Variants in OPN5 observed in about 807,000 individuals in gnomAD.
OPN5 encodes the protein opsin 5, also known as opsin-5.
A neutral mutation model predicts 41.7 loss-of-function variants in OPN5; 18 were observed. The observed-to-expected ratio is 0.43, with a 90% CI of 0.30 to 0.64. OPN5 has a LOEUF of 0.64. Among genes scored for constraint, OPN5 ranks in the 30% least tolerant of loss-of-function variants. OPN5 has a pLI of 0.13. For missense variants in OPN5, 318 were observed against 434.5 expected (o/e 0.73, Z 2.38); for synonymous variants, 178 against 164.3 (o/e 1.08, Z -0.64).
chr6:47,785,801 A>G (rs1561888339), intron 1 of OPN5, among the ~76,000 whole-genome samples: 1 of 152,218 alleles, frequency 6.6e-6, no homozygotes, highest in Non-Finnish European at 1.5e-5. Context: ...CACTTATGGC[A>G]TTGTTGGTAG....
intron 2 of OPN5, chr6:47,787,099 A>T (rs541895486): frequency 2.0e-6 from 2 of 982,020 alleles, no homozygotes; most frequent in African/African-American, 3.5e-5. Flanking sequence ...GAATGTAGGA[A>T]GAGGAAAGAG....
intron 5 of OPN5, among the ~76,000 whole-genome samples, chr6:47,809,632 C>T (rs1774115970): frequency 6.6e-6 from 1 of 152,120 alleles, no homozygotes; most frequent in Admixed American, 6.6e-5. Flanking sequence ...TAACAATACC[C>T]ATCTCCTGAA....
chr6:47,794,545 G>A (rs370398238), intron 3 of OPN5, among the ~76,000 whole-genome samples: 1 of 152,124 alleles, frequency 6.6e-6, no homozygotes, highest in Non-Finnish European at 1.5e-5. Context: ...GCTGAAAAAC[G>A]GAGCTCATTT....
At chr6:47,812,590 T>C (rs1184494827) in intron 6 of OPN5, among the ~76,000 whole-genome samples, 3 of 152,174 alleles carry the variant, frequency 2.0e-5, no homozygotes, top group Non-Finnish European at 4.4e-5. Flanking sequence ...TCCTGCCTTT[T>C]AAAAGCTTCT....
chr6:47,820,562 G>A (rs1033523260), intron 6 of OPN5, among the ~76,000 whole-genome samples: 1 of 152,142 alleles, frequency 6.6e-6, no homozygotes, highest in African/African-American at 2.4e-5. Context: ...CCTTTTAAGG[G>A]AGTCGGGAGG....
At chr6:47,816,006 C>T (rs1312349831) in intron 6 of OPN5, among the ~76,000 whole-genome samples, 1 of 152,126 alleles carries the variant, frequency 6.6e-6, no homozygotes, top group Non-Finnish European at 1.5e-5. Flanking sequence ...AATAGACAGG[C>T]AACTATTACT....
intron 6 of OPN5, among the ~76,000 whole-genome samples, chr6:47,820,836 C>G (rs774803465): frequency 1.4e-4 from 21 of 152,120 alleles, no homozygotes; most frequent in Non-Finnish European, 2.9e-4. Flanking sequence ...TGAAAACCTG[C>G]CTATAACTTT....
chr6:47,811,988 T>C, intron 6 of OPN5: 1 of 276,762 alleles, frequency 3.6e-6, no homozygotes, highest in Non-Finnish European at 6.8e-6. Flanking sequence ...AAACCTATTG[T>C]CATGCCAAAC....
chr6:47,792,179 T>C (rs1271721763), intron 3 of OPN5, among the ~76,000 whole-genome samples: 1 of 152,234 alleles, frequency 6.6e-6, no homozygotes, highest in African/African-American at 2.4e-5. Context: ...ACATATTTTA[T>C]AGTAATGTCT....
intron 6 of OPN5, among the ~76,000 whole-genome samples, chr6:47,821,127 G>A (rs1334007187): frequency 1.3e-5 from 2 of 152,178 alleles, no homozygotes; most frequent in Non-Finnish European, 2.9e-5. Flanking sequence ...CTGCATCAGG[G>A]GTGGCAGAGG....
chr6:47,817,070 A>C (rs1388038983), intron 6 of OPN5, among the ~76,000 whole-genome samples: 1 of 152,114 alleles, frequency 6.6e-6, no homozygotes, highest in African/African-American at 2.4e-5. Context: ...GGAAACTTGT[A>C]GTGTGAGGAA....
intron 5 of OPN5, among the ~76,000 whole-genome samples, chr6:47,808,678 G>A (rs1403357417): frequency 1.3e-5 from 2 of 152,114 alleles, no homozygotes; most frequent in African/African-American, 2.4e-5. Context: ...ATTTATGCAT[G>A]GCTCGTACAT....
chr6:47,821,322 G>C (rs1030232340), intron 6 of OPN5, among the ~76,000 whole-genome samples: 25 of 152,222 alleles, frequency 1.6e-4, no homozygotes, highest in Non-Finnish European at 1.5e-5. Context: ...TGCACAGGGA[G>C]GGCTCTCCTA....
At chr6:47,807,733 G>A (rs1289899340) in intron 4 of OPN5, among the ~76,000 whole-genome samples, 3 of 152,026 alleles carry the variant, frequency 2.0e-5, no homozygotes, top group African/African-American at 7.2e-5. Flanking sequence ...AACTAGGGCA[G>A]AATTTCTGTT....
chr6:47,809,832 C>T (rs1445259424), intron 5 of OPN5, among the ~76,000 whole-genome samples: 1 of 152,112 alleles, frequency 6.6e-6, no homozygotes, highest in African/African-American at 2.4e-5. Context: ...GTTATAAATG[C>T]AGATAGAGAG....
Position 47,789,275 on chromosome 6 carries a change from G to T in OPN5, c.251-2527G>T, listed in dbSNP as rs143493100. ...ATCTACCTAAATGTCACATCTCAGA[G>T]AAGTCTTCCTTAATGTCTTTATGTA... On this transcript the variant is annotated intron_variant, in intron 2 of 6. Coordinates refer to ENST00000371211, the Ensembl canonical transcript of OPN5. Among the ~76,000 whole-genome samples the T allele has an allele frequency of 1.8e-3, 275 of 152,214 alleles. 2 individuals are homozygous for T. The highest frequency in any genetic ancestry group is 6.5e-3 in the African/African-American group (269 of 41,518).
chr6:47,787,541 C>T (rs1478648146), intron 2 of OPN5, among the ~76,000 whole-genome samples: 1 of 152,166 alleles, frequency 6.6e-6, no homozygotes, highest in Non-Finnish European at 1.5e-5. Context: ...TTTGTTTGAA[C>T]AGTACACAGC....
At chr6:47,812,865 A>C (rs563991993) in intron 6 of OPN5, among the ~76,000 whole-genome samples, 142 of 152,216 alleles carry the variant, frequency 9.3e-4, no homozygotes, top group African/African-American at 3.3e-3. Flanking sequence ...CTCTCACACC[A>C]TTGATAATCT....
At chr6:47,788,870 A>AT (rs1773279487) in intron 2 of OPN5, among the ~76,000 whole-genome samples, 1 of 151,660 alleles carries the variant, frequency 6.6e-6, no homozygotes, top group Non-Finnish European at 1.5e-5. Context: ...ATAAATAACA[A>AT]TATTGGGAGG....
Sources: allele counts gnomAD v4.1 joint callset (sites outside exome capture counted in the v4.1 genomes callset), GRCh38; gene constraint gnomAD v4.1.1; transcripts MANE v1.5; gene names NCBI Gene and HGNC (gene_info 2026-07-23, HGNC 2026-07-21).